Variants in EIF4G3 observed in about 807,000 individuals in gnomAD.
The protein encoded by EIF4G3 is eukaryotic translation initiation factor 4 gamma 3.
EIF4G3 carries 34 observed loss-of-function variants against 186.4 expected under a neutral mutation model. The ratio of observed to expected loss-of-function variants is 0.18; its 90% CI spans 0.14 to 0.24. The LOEUF is 0.24. EIF4G3 is among the 10% of genes least tolerant of loss of function. EIF4G3 has a pLI of 1.00. For synonymous variants in EIF4G3, 673 were observed against 679.5 expected (o/e 0.99, Z 0.15); for missense variants, 1,536 against 1,948.5 (o/e 0.79, Z 3.99).
chr1:21,151,671 T>G (rs1019777734), intron 2 of EIF4G3, among the ~76,000 whole-genome samples: 1 of 152,032 alleles, frequency 6.6e-6, no homozygotes, highest in Non-Finnish European at 1.5e-5. Flanking sequence ...GAATCTTACT[T>G]GAATACCAAC....
chr1:21,048,632 C>G (rs1270160966), intron 4 of EIF4G3, among the ~76,000 whole-genome samples: 1 of 152,144 alleles, frequency 6.6e-6, no homozygotes, highest in Non-Finnish European at 1.5e-5. Context: ...GGTATTCCCT[C>G]AGGAAGACAC....
intron 29 of EIF4G3, among the ~76,000 whole-genome samples, chr1:20,842,504 A>T (rs2069020206): frequency 6.6e-6 from 1 of 152,124 alleles, no homozygotes; most frequent in Non-Finnish European, 1.5e-5. Flanking sequence ...AGTAGCTGGG[A>T]TTATAGGCAT....
intron 4 of EIF4G3, among the ~76,000 whole-genome samples, chr1:21,024,171 G>A (rs2091572367): frequency 6.6e-6 from 1 of 151,648 alleles, no homozygotes; most frequent in South Asian, 2.1e-4. Context: ...GGAGGTGGGG[G>A]GGGGTCAGCC....
chr1:20,960,424 C>T lies in EIF4G3; in HGVS notation c.714+9050G>A, dbSNP rs535396962. On this transcript the variant is annotated intron_variant, in intron 12 of 36. Transcript: ENST00000602326. ...GAGGTTGCAGTGAGCCAAGATCATG[C>T]CACTGAACTCTAGCCTGGGCAACAG... is the stretch of plus-strand genomic sequence containing the variant. Among the ~76,000 whole-genome samples, 142 of 151,900 alleles carry T rather than the reference C, an allele frequency of 9.3e-4. 2 individuals are homozygous for T. The highest frequency in any genetic ancestry group is 3.2e-3 in the African/African-American group (132 of 41,406).
chr1:20,875,315 T>C (rs1051155097), intron 20 of EIF4G3, among the ~76,000 whole-genome samples: 6 of 152,148 alleles, frequency 3.9e-5, no homozygotes, highest in Admixed American at 3.3e-4. Flanking sequence ...TAAAGAGTAT[T>C]GAAAAGGGTC....
At chr1:20,872,027 C>T (rs552334840) in intron 20 of EIF4G3, among the ~76,000 whole-genome samples, 1 of 152,220 alleles carries the variant, frequency 6.6e-6, no homozygotes, top group South Asian at 2.1e-4. Flanking sequence ...TAACATAGCA[C>T]ACACTCAGGT....
Position 21,101,562 on chromosome 1 carries a change from G to GAA in EIF4G3, c.-271-12351_-271-12350dup, listed in dbSNP as rs57590306. Among the ~76,000 whole-genome samples, 11 of 35,372 alleles carry GAA rather than the reference G, an allele frequency of 3.1e-4. No homozygotes were observed. In the South Asian group the frequency reaches 0.022, roughly 72 times the overall value. The allele number at this position is 35,372 out of a possible 152,430, so 23.2% of individuals were successfully genotyped here. On this transcript the variant is annotated intron_variant, in intron 2 of 36. Coordinates refer to ENST00000602326, the MANE Select transcript of EIF4G3 (RefSeq NM_001391906.1). Reference sequence around the variant, plus strand: ...TCTAGCCTGGGCAACAGGGTCTCAGGAAAAAAAAAAAAACAACAAAAAAAA... The same window carrying GAA: ...TCTAGCCTGGGCAACAGGGTCTCAGGAAAAAAAAAAAAAAACAACAAAAAAAA...
chr1:20,944,006 G>T (rs1467002219), intron 13 of EIF4G3, among the ~76,000 whole-genome samples: 6 of 149,350 alleles, frequency 4.0e-5, no homozygotes, highest in Non-Finnish European at 7.5e-5. Flanking sequence ...GTGTGTGTGT[G>T]TGTGTGTGTG....
At chr1:20,827,567 C>G in intron 32 of EIF4G3, 50 bp downstream of exon 32, 1 of 1,195,864 alleles carries the variant, frequency 8.4e-7, no homozygotes, top group Non-Finnish European at 1.2e-6. Context: ...ATCAAGATCA[C>G]TGCCCTTCCT....
chr1:21,030,361 T>C (rs765380294), intron 4 of EIF4G3, among the ~76,000 whole-genome samples: 19 of 152,172 alleles, frequency 1.2e-4, no homozygotes, highest in Non-Finnish European at 2.4e-4. Context: ...TGATAGTGAA[T>C]GGGTGTCACG....
chr1:21,125,771 T>C (rs7515301), intron 2 of EIF4G3, among the ~76,000 whole-genome samples: 2,454 of 146,084 alleles, frequency 0.017, 47 homozygotes, highest in African/African-American at 0.047. Context: ...TATATATATA[T>C]ACACACACAC....
intron 2 of EIF4G3, among the ~76,000 whole-genome samples, chr1:21,136,387 G>A (rs938908579): frequency 6.6e-6 from 1 of 151,854 alleles, no homozygotes; most frequent in Non-Finnish European, 1.5e-5. Flanking sequence ...CATGGTGGTG[G>A]ATGCCTGTAA....
intron 3 of EIF4G3, among the ~76,000 whole-genome samples, chr1:21,054,998 T>C (rs2094497523): frequency 6.6e-6 from 1 of 152,200 alleles, no homozygotes; most frequent in African/African-American, 2.4e-5. Flanking sequence ...GTTTCCAATT[T>C]TGAGTGACTA....
At chr1:20,873,082 A>G (rs1285119611) in intron 20 of EIF4G3, among the ~76,000 whole-genome samples, 3 of 152,116 alleles carry the variant, frequency 2.0e-5, no homozygotes, top group African/African-American at 7.2e-5. Context: ...AACACTATAG[A>G]CAGGTATCCC....
chr1:21,134,925 A>C (rs991337647), intron 2 of EIF4G3, among the ~76,000 whole-genome samples: 9 of 152,018 alleles, frequency 5.9e-5, no homozygotes, highest in Non-Finnish European at 1.3e-4. Flanking sequence ...ATATATATGC[A>C]ATATTTTAAA....
chr1:21,092,632 G>T (rs114944067), intron 2 of EIF4G3, among the ~76,000 whole-genome samples: 1 of 152,134 alleles, frequency 6.6e-6, no homozygotes, highest in Admixed American at 6.6e-5. Context: ...AAAAGGGCCC[G>T]CACTGCCAAT....
chr1:20,914,287 AG>A (rs1412870537), intron 14 of EIF4G3, among the ~76,000 whole-genome samples: 1 of 152,096 alleles, frequency 6.6e-6, no homozygotes, highest in Non-Finnish European at 1.5e-5. Context: ...GTGATAATAA[AG>A]GATCTTGTGA....
intron 3 of EIF4G3, among the ~76,000 whole-genome samples, chr1:21,084,531 G>A (rs2095897391): frequency 6.6e-6 from 1 of 152,116 alleles, no homozygotes; most frequent in Non-Finnish European, 1.5e-5. Context: ...AATTCGACAT[G>A]AGATTTAAGT....
Position 20,870,348 on chromosome 1 carries a change from C to G in EIF4G3, c.2623-5086G>C, listed in dbSNP as rs569416914. ...AACAGTATACAGAATGCTTAAAAAT[C>G]TGCCTTTAGTGCCATTCTTTGTAGC... On this transcript the variant is annotated intron_variant, in intron 20 of 36. Coordinates refer to ENST00000602326, the MANE Select transcript of EIF4G3 (RefSeq NM_001391906.1). 2.0e-5 allele frequency among the ~76,000 whole-genome samples: 3 copies of G among 152,276 alleles called. No individual in the cohort carries two copies. In the East Asian group the frequency reaches 5.8e-4, roughly 29 times the overall value.
Sources: gnomAD v4.1 joint callset for allele counts (sites outside exome capture counted in the v4.1 genomes callset) on GRCh38, gnomAD v4.1.1 for gene constraint, MANE v1.5 for transcripts, NCBI Gene and HGNC (gene_info 2026-07-23, HGNC 2026-07-21) for gene names.